The following PPM1E variants were observed in gnomAD, a reference collection of about 807,000 sequenced individuals.
The protein encoded by PPM1E is protein phosphatase, Mg2+/Mn2+ dependent 1E.
A neutral mutation model predicts 65.9 loss-of-function variants in PPM1E; 20 were observed. That is an observed-to-expected ratio of 0.30 (90% confidence interval 0.21 to 0.44). PPM1E has a LOEUF of 0.44. Among genes scored for constraint, PPM1E ranks in the 20% least tolerant of loss-of-function variants. PPM1E has a pLI of 1.00. For synonymous variants in PPM1E, 352 were observed against 374.9 expected (o/e 0.94, Z 0.70); for missense variants, 713 against 953.1 (o/e 0.75, Z 3.32).
intron 1 of PPM1E, among the ~76,000 whole-genome samples, chr17:58,769,856 GTC>G (rs2049918903): frequency 6.6e-6 from 1 of 151,762 alleles, no homozygotes; most frequent in Non-Finnish European, 1.5e-5. Context: ...GCAAAACCCC[GTC>G]TCTACTAAAA....
intron 5 of PPM1E, 36 bp downstream of exon 5, chr17:58,972,311 AGTTATTAG>A: frequency 6.4e-7 from 1 of 1,570,950 alleles, no homozygotes; most frequent in Non-Finnish European, 8.6e-7. Context: ...CCCATGCTCT[AGTTATTAG>A]TTTAGATTTT....
chr17:58,813,487 A>G (rs532109025), intron 1 of PPM1E, among the ~76,000 whole-genome samples: 145 of 152,310 alleles, frequency 9.5e-4, no homozygotes, highest in Non-Finnish European at 1.8e-3. Flanking sequence ...GAAAACAGAT[A>G]AAGGAGGTTG....
chr17:58,821,333 A>G (rs1381875543), intron 1 of PPM1E, among the ~76,000 whole-genome samples: 1 of 152,104 alleles, frequency 6.6e-6, no homozygotes, highest in Non-Finnish European at 1.5e-5. Context: ...GATGGTCTCG[A>G]TCTCCTGACC....
chr17:58,814,383 A>G (rs1165877498), intron 1 of PPM1E, among the ~76,000 whole-genome samples: 1 of 152,206 alleles, frequency 6.6e-6, no homozygotes, highest in African/African-American at 2.4e-5. Flanking sequence ...TAATATTTTT[A>G]TATACACATT....
intron 1 of PPM1E, among the ~76,000 whole-genome samples, chr17:58,768,691 C>T (rs1408080725): frequency 6.6e-6 from 1 of 151,976 alleles, no homozygotes; most frequent in African/African-American, 2.4e-5. Flanking sequence ...TTTTTTGAGA[C>T]AGAGTTTCAC....
At chr17:58,794,703 G>A (rs943015679) in intron 1 of PPM1E, among the ~76,000 whole-genome samples, 2 of 152,068 alleles carry the variant, frequency 1.3e-5, no homozygotes, top group Non-Finnish European at 2.9e-5. Context: ...TTAGGATAAT[G>A]GCCTTGAGCT....
chr17:58,951,148 T>C (rs2052233041), intron 1 of PPM1E: 1 of 152,234 alleles, frequency 6.6e-6, no homozygotes. Flanking sequence ...TGTATTCTCT[T>C]GTATCTCATT....
At chr17:58,909,748 T>C (rs2051600995) in intron 1 of PPM1E, among the ~76,000 whole-genome samples, 4 of 152,038 alleles carry the variant, frequency 2.6e-5, no homozygotes, top group African/African-American at 9.7e-5. Context: ...TATCCTTGAT[T>C]TTCTATAGTT....
chr17:58,951,922 T>G (rs573823843), intron 1 of PPM1E, among the ~76,000 whole-genome samples: 97 of 152,338 alleles, frequency 6.4e-4, no homozygotes, highest in Non-Finnish European at 4.4e-5. Context: ...TTCCTCAATT[T>G]TTCACATTTG....
At chr17:58,874,977 T>A (rs1313868787) in intron 1 of PPM1E, among the ~76,000 whole-genome samples, 1 of 152,182 alleles carries the variant, frequency 6.6e-6, no homozygotes, top group African/African-American at 2.4e-5. Flanking sequence ...CTGTCCCCTT[T>A]CTTCCTGTAA....
chr17:58,809,997 G>A (rs988543329), intron 1 of PPM1E, among the ~76,000 whole-genome samples: 16 of 151,972 alleles, frequency 1.1e-4, no homozygotes, highest in Admixed American at 2.6e-4. Flanking sequence ...ATTTTACCAC[G>A]TAATGTACAT....
intron 1 of PPM1E, among the ~76,000 whole-genome samples, chr17:58,788,196 G>A (rs182908657): frequency 2.6e-5 from 4 of 151,926 alleles, no homozygotes; most frequent in East Asian, 1.9e-4. Context: ...GATTACAGGC[G>A]CTCGGCACCA....
At chr17:58,839,662 G>A (rs1015832786) in intron 1 of PPM1E, among the ~76,000 whole-genome samples, 2 of 152,090 alleles carry the variant, frequency 1.3e-5, no homozygotes, top group African/African-American at 4.8e-5. Context: ...CTCACTGTTG[G>A]AGTGGAAATT....
At chr17:58,892,674 G>A (rs1328394797) in intron 1 of PPM1E, among the ~76,000 whole-genome samples, 1 of 152,130 alleles carries the variant, frequency 6.6e-6, no homozygotes, top group Non-Finnish European at 1.5e-5. Flanking sequence ...CAGACTGGGA[G>A]AAAATATTTG....
chr17:58,931,308 C>A (rs527606758), intron 1 of PPM1E, among the ~76,000 whole-genome samples: 1 of 151,972 alleles, frequency 6.6e-6, no homozygotes, highest in African/African-American at 2.4e-5. Context: ...ATCGCTTGAA[C>A]CCGGGAGGCG....
At chr17:58,843,292 C>T (rs2050738599) in intron 1 of PPM1E, among the ~76,000 whole-genome samples, 1 of 149,352 alleles carries the variant, frequency 6.7e-6, no homozygotes, top group Admixed American at 6.7e-5. Flanking sequence ...CACCACGGCA[C>T]TCCAGCCTGG....
intron 1 of PPM1E, among the ~76,000 whole-genome samples, chr17:58,786,066 G>A (rs1298643360): frequency 6.7e-6 from 1 of 149,062 alleles, no homozygotes; most frequent in African/African-American, 2.5e-5. Context: ...CCAGGCTGGA[G>A]TACAGTGGCG....
chr17:58,813,509 G>A (rs2050389634), intron 1 of PPM1E, among the ~76,000 whole-genome samples: 1 of 152,232 alleles, frequency 6.6e-6, no homozygotes, highest in South Asian at 2.1e-4. Context: ...ACTGTAATTA[G>A]CTAATTCTGT....
At chr17:58,783,366 G>A (rs1303342541) in intron 1 of PPM1E, among the ~76,000 whole-genome samples, 1 of 152,172 alleles carries the variant, frequency 6.6e-6, no homozygotes, top group Non-Finnish European at 1.5e-5. Flanking sequence ...CCTAATAGGA[G>A]CATTTATGAC....
Sources: allele counts gnomAD v4.1 joint callset (sites outside exome capture counted in the v4.1 genomes callset), GRCh38; gene constraint gnomAD v4.1.1; transcripts MANE v1.5; gene names NCBI Gene and HGNC (gene_info 2026-07-23, HGNC 2026-07-21).